The following NRXN1 variants were observed in gnomAD, a reference collection of about 807,000 sequenced individuals.
NRXN1 encodes the protein neurexin 1, also known as neurexin-1.
Under a neutral mutation model 150.9 loss-of-function variants are expected in NRXN1, and 39 were observed. The ratio of observed to expected loss-of-function variants is 0.26; its 90% CI spans 0.20 to 0.34. NRXN1 has a LOEUF of 0.34. NRXN1 is among the 10% of genes least tolerant of loss of function. The pLI is 1.00. For synonymous variants in NRXN1, 924 were observed against 757.0 expected (o/e 1.22, Z -3.62); for missense variants, 1,815 against 1,949.9 (o/e 0.93, Z 1.30).
chr2:50,146,438 T>C (rs971992169), intron 18 of NRXN1, among the ~76,000 whole-genome samples: 1 of 151,718 alleles, frequency 6.6e-6, no homozygotes, highest in African/African-American at 2.4e-5. Context: ...CAATTGCCCA[T>C]CAATGATAGA....
At chr2:50,359,401 G>C (rs1232778076) in intron 17 of NRXN1, among the ~76,000 whole-genome samples, 2 of 151,708 alleles carry the variant, frequency 1.3e-5, no homozygotes, top group East Asian at 3.9e-4. Flanking sequence ...AACCAGTTTA[G>C]AGAAGAACAT....
At chr2:50,930,286 C>T (rs1687548171) in intron 2 of NRXN1, among the ~76,000 whole-genome samples, 1 of 152,022 alleles carries the variant, frequency 6.6e-6, no homozygotes, top group Non-Finnish European at 1.5e-5. Context: ...ACTAGAAACA[C>T]TTAAAACAAT....
intron 9 of NRXN1, among the ~76,000 whole-genome samples, chr2:50,542,218 T>C (rs987718684): frequency 2.0e-5 from 3 of 151,900 alleles, no homozygotes; most frequent in Non-Finnish European, 4.4e-5. Flanking sequence ...GAGGCAGAGG[T>C]TGCGGTGAGC....
At chr2:50,262,198 T>G (rs1160891896) in intron 17 of NRXN1, among the ~76,000 whole-genome samples, 1 of 151,932 alleles carries the variant, frequency 6.6e-6, no homozygotes, top group East Asian at 1.9e-4. Context: ...TTTATGGCTG[T>G]GAAACAACAC....
intron 8 of NRXN1, among the ~76,000 whole-genome samples, chr2:50,601,126 T>G (rs2103945240): frequency 6.6e-6 from 1 of 152,274 alleles, no homozygotes. Context: ...TGTGCCTTAA[T>G]TTATTCACCT....
chr2:50,039,440 T>G (rs535584354), intron 21 of NRXN1, among the ~76,000 whole-genome samples: 1 of 152,278 alleles, frequency 6.6e-6, no homozygotes, highest in African/African-American at 2.4e-5. Context: ...CACTGCAGCT[T>G]GGACAACAGA....
chr2:50,058,514 C>G (rs1369900813), intron 19 of NRXN1, among the ~76,000 whole-genome samples: 1 of 152,118 alleles, frequency 6.6e-6, no homozygotes, highest in Non-Finnish European at 1.5e-5. Flanking sequence ...ACTTTATTCT[C>G]TAAATTCTTT....
intron 2 of NRXN1, among the ~76,000 whole-genome samples, chr2:50,987,419 T>A (rs1005422360): frequency 6.6e-6 from 1 of 151,950 alleles, no homozygotes; most frequent in Non-Finnish European, 1.5e-5. Flanking sequence ...GGGAAATGTA[T>A]GCTCTTTTTC....
intron 5 of NRXN1, among the ~76,000 whole-genome samples, chr2:50,625,251 A>G (rs1242812947): frequency 6.6e-6 from 1 of 152,046 alleles, no homozygotes; most frequent in East Asian, 1.9e-4. Flanking sequence ...GCCTTCCTGG[A>G]TGTAGAAAAT....
chr2:50,277,437 C>T (rs1396392150), intron 17 of NRXN1, among the ~76,000 whole-genome samples: 1 of 131,102 alleles, frequency 7.6e-6, no homozygotes, highest in Non-Finnish European at 1.7e-5. Flanking sequence ...CCCTCCCTTC[C>T]TCCTTCCCTC....
intron 17 of NRXN1, among the ~76,000 whole-genome samples, chr2:50,421,273 A>G (rs376984872): frequency 1.3e-5 from 2 of 151,646 alleles, no homozygotes; most frequent in East Asian, 1.9e-4. Context: ...GCGATTTTCA[A>G]TTTCAAAACT....
intron 5 of NRXN1, among the ~76,000 whole-genome samples, chr2:50,876,117 G>C (rs535435274): frequency 6.6e-6 from 1 of 151,890 alleles, no homozygotes; most frequent in Non-Finnish European, 1.5e-5. Context: ...TAACTATTAA[G>C]ACGGGCAGGC....
chr2:50,296,884 T>C (rs1380937109), intron 17 of NRXN1, among the ~76,000 whole-genome samples: 1 of 11,144 alleles, frequency 9.0e-5, no homozygotes, highest in East Asian at 8.5e-3. Flanking sequence ...TTTCTTTCTT[T>C]TTTTTTTTTT....
chr2:50,815,369 T>A (rs1668784952), intron 5 of NRXN1, among the ~76,000 whole-genome samples: 1 of 152,144 alleles, frequency 6.6e-6, no homozygotes, highest in Admixed American at 6.6e-5. Context: ...TATTATTTGA[T>A]CAGGATGAGG....
At chr2:50,772,788 A>G (rs1165724168) in intron 5 of NRXN1, among the ~76,000 whole-genome samples, 1 of 152,064 alleles carries the variant, frequency 6.6e-6, no homozygotes, top group African/African-American at 2.4e-5. Flanking sequence ...GGCAGGAACA[A>G]GTGAGAAAGG....
intron 11 of NRXN1, chr2:50,529,005 TC>T: frequency 4.4e-6 from 1 of 227,420 alleles, no homozygotes; most frequent in Non-Finnish European, 8.5e-6. Context: ...GTAAAAGTGC[TC>T]CGTCACAATG....
intron 17 of NRXN1, among the ~76,000 whole-genome samples, chr2:50,315,647 T>C (rs1327829708): frequency 6.6e-6 from 1 of 152,160 alleles, no homozygotes; most frequent in Non-Finnish European, 1.5e-5. Context: ...AAGCTCATTG[T>C]TCCATTCTCT....
chr2:50,204,899 C>A (rs1252260636), intron 18 of NRXN1, among the ~76,000 whole-genome samples: 1 of 152,020 alleles, frequency 6.6e-6, no homozygotes, highest in Non-Finnish European at 1.5e-5. Flanking sequence ...ACTACTATTA[C>A]TTCTGGTGTT....
chr2:50,757,937 A>G (rs890831810), intron 5 of NRXN1: 1 of 151,768 alleles, frequency 6.6e-6, no homozygotes, highest in East Asian at 2.0e-4. Context: ...ATATTAGTCC[A>G]TAGGACCTCC....
Sources: allele counts gnomAD v4.1 joint callset (sites outside exome capture counted in the v4.1 genomes callset), GRCh38; gene constraint gnomAD v4.1.1; transcripts MANE v1.5; gene names NCBI Gene and HGNC (gene_info 2026-07-23, HGNC 2026-07-21).